ICE2: variants seen among roughly 807,000 people sequenced by gnomAD.
The protein encoded by ICE2 is little elongation complex subunit 2.
A neutral mutation model predicts 105.4 loss-of-function variants in ICE2; 87 were observed. The ratio of observed to expected loss-of-function variants is 0.83; its 90% CI spans 0.69 to 0.99. ICE2 has a LOEUF of 0.99. Ranked by LOEUF, ICE2 falls within the 50% of genes least tolerant of loss-of-function variation. The pLI, the probability that ICE2 is intolerant of heterozygous loss-of-function variation, is 0.00. For missense variants in ICE2, 1,323 were observed against 1,146.7 expected (o/e 1.15, Z -2.22); for synonymous variants, 399 against 392.0 (o/e 1.02, Z -0.21).
intron 10 of ICE2, 52 bp from the exon 11 acceptor site, chr15:60,448,197 T>A (rs1249168895): frequency 8.7e-7 from 1 of 1,148,066 alleles, no homozygotes; most frequent in African/African-American, 1.6e-5. Flanking sequence ...TTACCCATCA[T>A]AAGCAAGGAT....
intron 1 of ICE2, chr15:60,478,755 G>C: frequency 5.7e-6 from 2 of 350,450 alleles, no homozygotes; most frequent in South Asian, 2.0e-5. Context: ...TGTGGAGCTG[G>C]GGGGGAATAG....
rs138441992 is a variant in ICE2 at position 60,459,159 on chromosome 15, T to C, written c.529-2365A>G. Among the ~76,000 whole-genome samples, 283 of 152,330 alleles carry C rather than the reference T, an allele frequency of 1.9e-3. 1 individual carries two copies. The highest frequency in any genetic ancestry group is 6.2e-3 in the African/African-American group (258 of 41,580). On this transcript the variant is annotated intron_variant, in intron 5 of 15. Transcript: ENST00000261520. Reference sequence around the variant, plus strand: ...AAGGAGAAGCAATCACTGAAAATGGTTGAGAATTCTCCAGAACTAATGGAG... The same window carrying C: ...AAGGAGAAGCAATCACTGAAAATGGCTGAGAATTCTCCAGAACTAATGGAG...
chr15:60,476,768 T>C (rs910634287), intron 2 of ICE2, among the ~76,000 whole-genome samples: 2 of 152,226 alleles, frequency 1.3e-5, no homozygotes, highest in Admixed American at 1.3e-4. Context: ...CATCCAAAAA[T>C]GCTGTTTGAA....
Position 60,448,900 on chromosome 15 carries a change from G to C in ICE2, c.2067C>G (p.Ser689=), listed in dbSNP as rs372654774. The change falls in exon 10 of 16, where the codon TCC becomes TCG. Residue 689 remains serine (S), a synonymous_variant. Coordinates refer to ENST00000261520, the MANE Select transcript of ICE2 (RefSeq NM_024611.6). ...GCCATCCAGATTTCGGCCAACTAGA[G>C]GAGTCTGAAGGACCAGACAATTGCT... ...VSEQLSGPSD[S]SSWPKSGWPS... 1 of 1,611,344 alleles carries C rather than the reference G, an allele frequency of 6.2e-7. No individual in the cohort carries two copies. The highest frequency in any genetic ancestry group is 1.3e-5 in the African/African-American group (1 of 74,798).
intron 12 of ICE2, chr15:60,442,174 C>G: frequency 2.9e-6 from 1 of 344,792 alleles, no homozygotes; most frequent in Non-Finnish European, 5.2e-6. Context: ...ATGCCTGCAG[C>G]CCCAGCTACT....
Position 60,453,720 on chromosome 15 carries a change from TCTCA to T in ICE2, c.1004_1007del (p.Met335LysfsTer12). On this transcript the variant is annotated frameshift_variant, in exon 9 of 16. Transcript: ENST00000261520. LOFTEE classifies it high-confidence loss of function. The stretch of plus-strand genomic sequence containing the variant: ...CTTCATGAAAGATTTGATTTCTCTC[TCTCA>T]TAGTCATTTTCTTTTGGGGAAGTGG... 1.2e-6 allele frequency: 2 copies of T among 1,607,962 alleles called. No individual in the cohort carries two copies. Among genetic ancestry groups the T allele is most frequent in the South Asian group, 2.2e-5 (2 of 90,936 alleles).
chr15:60,462,895 G>A (rs1342690123), intron 5 of ICE2, among the ~76,000 whole-genome samples: 1 of 152,098 alleles, frequency 6.6e-6, no homozygotes, highest in African/African-American at 2.4e-5. Context: ...CTCTATGACC[G>A]AATAATTCCA....
chr15:60,456,566 A>AATATAT (rs55754214), intron 6 of ICE2, 91 bp downstream of exon 6: 3,276 of 64,044 alleles, frequency 0.051, 117 homozygotes, highest in Non-Finnish European at 0.069. Context: ...TAAATAAATA[A>AATATAT]ATATATATAT....
Position 60,442,463 on chromosome 15 carries a change from C to A in ICE2, c.2378G>T (p.Arg793Leu). 3 of 1,600,558 alleles carry A rather than the reference C, an allele frequency of 1.9e-6. No homozygotes were observed. Among genetic ancestry groups the A allele is most frequent in the Non-Finnish European group, 2.5e-6 (3 of 1,177,418 alleles). The change falls in exon 12 of 16, where the codon CGC becomes CTC. Residue 793 changes from arginine (R) to leucine (L), a missense_variant. Physicochemically the swap from Arg to Leu is moderately radical, Grantham distance 102. Coordinates refer to ENST00000261520, the MANE Select transcript of ICE2 (RefSeq NM_024611.6). Reference sequence around the variant, plus strand: ...ATGCAATAAACTTTCAGTCCATAAGCGACAAAGTTCACTTTCAGTCAGAGC... The same window carrying A: ...ATGCAATAAACTTTCAGTCCATAAGAGACAAAGTTCACTTTCAGTCAGAGC... ...VEALTESELC[R>L]LWTESLLHSN...
At chr15:60,465,752 T>C (rs1172554193) in intron 5 of ICE2, among the ~76,000 whole-genome samples, 6 of 143,650 alleles carry the variant, frequency 4.2e-5, no homozygotes, top group African/African-American at 1.5e-4. Flanking sequence ...ACTTTATTCT[T>C]TTTTTTTTTT....
chr15:60,469,959 C>G (rs535711142), intron 3 of ICE2, among the ~76,000 whole-genome samples: 1 of 152,298 alleles, frequency 6.6e-6, no homozygotes, highest in East Asian at 1.9e-4. Context: ...AAAAACTATA[C>G]TTCTTGGCCT....
intron 13 of ICE2, 133 bp from the exon 14 acceptor site, chr15:60,432,117 A>C (rs372820169): frequency 4.3e-6 from 1 of 230,402 alleles, no homozygotes; most frequent in Non-Finnish European, 7.5e-6. Flanking sequence ...AATACAAAAA[A>C]TCTGAAACTT....
chr15:60,467,081 G>A (rs942857331), intron 4 of ICE2, among the ~76,000 whole-genome samples: 7 of 152,226 alleles, frequency 4.6e-5, no homozygotes, highest in African/African-American at 1.4e-4. Context: ...TCCGCCTCCT[G>A]AGTAGCTGGG....
chr15:60,451,354 A>C, intron 9 of ICE2: 1 of 928,056 alleles, frequency 1.1e-6, no homozygotes, highest in Non-Finnish European at 1.3e-6. Flanking sequence ...ATATACAAAG[A>C]AAATCTCAAT....
intron 13 of ICE2, among the ~76,000 whole-genome samples, chr15:60,435,713 T>C (rs772120669): frequency 6.6e-6 from 1 of 151,968 alleles, no homozygotes; most frequent in Non-Finnish European, 1.5e-5. Flanking sequence ...TGGTGGTTCA[T>C]GCCTGTAATC....
intron 5 of ICE2, among the ~76,000 whole-genome samples, chr15:60,459,019 C>G (rs1294744007): frequency 2.0e-5 from 3 of 152,138 alleles, no homozygotes; most frequent in Non-Finnish European, 4.4e-5. Flanking sequence ...ACGAAAAGTT[C>G]TGGAGATGGA....
intron 3 of ICE2, among the ~76,000 whole-genome samples, chr15:60,475,036 A>G (rs914466562): frequency 6.6e-6 from 1 of 152,248 alleles, no homozygotes; most frequent in African/African-American, 2.4e-5. Context: ...AAGAGGGGAC[A>G]ACGGACAGAA....
chr15:60,436,943 G>A (rs2063606830), intron 12 of ICE2, among the ~76,000 whole-genome samples: 1 of 152,080 alleles, frequency 6.6e-6, no homozygotes, highest in African/African-American at 2.4e-5. Flanking sequence ...ATTAGATTAT[G>A]AAAATCTGGC....
At position 60,423,429 on chromosome 15, in the gene ICE2, ATCC is replaced by A. The variant is rs2063268325; in HGVS notation, c.*202_*204del. ...CATGATAATGTTAAAACATATCAAG[ATCC>A]TCCTCAAACTTCAAGGGTGAAAAGC... On this transcript the variant is annotated 3_prime_UTR_variant, in exon 16 of 16. Coordinates refer to ENST00000261520, the MANE Select transcript of ICE2 (RefSeq NM_024611.6). 3 of 404,542 alleles carry A rather than the reference ATCC, an allele frequency of 7.4e-6. No homozygotes were observed. The highest frequency in any genetic ancestry group is 9.4e-5 in the South Asian group (2 of 21,206). The allele number at this position is 404,542 out of a possible 1,614,324, so 25.1% of individuals were successfully genotyped here. A position where few individuals can be genotyped will look rare whatever the true frequency, so the allele number is the denominator to read the frequency against.
Sources: gnomAD v4.1 joint callset for allele counts (sites outside exome capture counted in the v4.1 genomes callset) on GRCh38, gnomAD v4.1.1 for gene constraint, MANE v1.5 for transcripts, NCBI Gene and HGNC (gene_info 2026-07-23, HGNC 2026-07-21) for gene names.